The following TCEA3 variants were observed in gnomAD, a reference collection of about 807,000 sequenced individuals.
The protein encoded by TCEA3 is transcription elongation factor A3, also known as transcription elongation factor A protein 3.
TCEA3 carries 36 observed loss-of-function variants against 44.0 expected under a neutral mutation model. The observed-to-expected ratio is 0.82, with a 90% CI of 0.63 to 1.08. The LOEUF is 1.08. TCEA3 is among the 50% of genes least tolerant of loss of function. The probability of loss-of-function intolerance (pLI) is 0.00; values close to 1 mark genes in which losing one functional copy is unlikely to be tolerated. For missense variants in TCEA3, 392 were observed against 441.2 expected, an observed-to-expected ratio of 0.89 and a Z score of 1.00; for synonymous variants, 162 against 159.7, an observed-to-expected ratio of 1.01 and a Z score of -0.11.
intron 1 of TCEA3, 77 bp from the exon 2 acceptor site, chr1:23,419,216 A>G: frequency 2.7e-6 from 3 of 1,116,840 alleles, no homozygotes; most frequent in Non-Finnish European, 3.8e-6. Flanking sequence ...GTCTTGGTAC[A>G]GAGAGCAGGA....
intron 5 of TCEA3, among the ~76,000 whole-genome samples, chr1:23,400,372 G>GTTTTTTTTTTTTT (rs1639362989): frequency 1.7e-5 from 1 of 58,268 alleles, no homozygotes; most frequent in African/African-American, 6.6e-5. Context: ...GCCACACCAG[G>GTTTTTTTTTTTTT]CTTTTTTTTT....
At chr1:23,394,094 C>T (rs1639147149) in intron 7 of TCEA3, 61 bp from the exon 8 acceptor site, 3 of 1,583,268 alleles carry the variant, frequency 1.9e-6, no homozygotes, top group Non-Finnish European at 1.7e-6. Flanking sequence ...GCAGGCCTGG[C>T]CCTGACGCCT....
chr1:23,412,311 G>A (rs938756377), intron 4 of TCEA3, among the ~76,000 whole-genome samples: 4 of 150,920 alleles, frequency 2.7e-5, no homozygotes, highest in African/African-American at 7.3e-5. Flanking sequence ...GAGGTGAGAG[G>A]ATCACTTGAG....
chr1:23,384,475 C>T, intron 9 of TCEA3, 58 bp from the exon 10 acceptor site: 1 of 1,570,106 alleles, frequency 6.4e-7, no homozygotes, highest in Non-Finnish European at 8.7e-7. Flanking sequence ...CCTGCCATGG[C>T]TCCCACTGTC....
At chr1:23,417,581 G>A (rs961860102) in intron 3 of TCEA3, among the ~76,000 whole-genome samples, 191 bp from the exon 4 acceptor site, 1 of 152,302 alleles carries the variant, frequency 6.6e-6, no homozygotes, top group Admixed American at 6.5e-5. Context: ...AGTCTCACAT[G>A]GGGACATTAA....
Position 23,384,437 on chromosome 1 carries a change from C to G in TCEA3, c.967-20G>C. ...CTGCACCTGAGAGAGAGAAGAACCA[C>G]TCATGAAGTCACTCCCCTGTTCTAG... is the stretch of plus-strand genomic sequence containing the variant. On this transcript the variant is annotated intron_variant, in intron 9 of 10. Transcript: ENST00000450454. 3.1e-6 allele frequency: 5 copies of G among 1,610,690 alleles called. No individual in the cohort carries two copies. In the African/African-American group the frequency reaches 5.3e-5, roughly 17 times the overall value.
chr1:23,397,370 A>T (rs1639246242), intron 7 of TCEA3, among the ~76,000 whole-genome samples, 175 bp downstream of exon 7: 1 of 152,196 alleles, frequency 6.6e-6, no homozygotes, highest in Non-Finnish European at 1.5e-5. Context: ...TTTTGCTGGC[A>T]GGTGTAAAAT....
intron 1 of TCEA3, 73 bp downstream of exon 1, chr1:23,424,492 C>A: frequency 7.0e-7 from 1 of 1,419,482 alleles, no homozygotes; most frequent in Non-Finnish European, 9.8e-7. Context: ...GCCAGTACGT[C>A]CCCACCCCGG....
intron 8 of TCEA3, among the ~76,000 whole-genome samples, chr1:23,388,489 C>T (rs1638922532): frequency 6.6e-6 from 1 of 152,118 alleles, no homozygotes; most frequent in Non-Finnish European, 1.5e-5. Context: ...AACCACTATG[C>T]CTGGCTTAAA....
chr1:23,407,189 T>C (rs1639568397), intron 5 of TCEA3, among the ~76,000 whole-genome samples: 1 of 152,198 alleles, frequency 6.6e-6, no homozygotes, highest in Non-Finnish European at 1.5e-5. Context: ...CTCTCATTCC[T>C]CACATCCAAT....
At chr1:23,415,907 C>T (rs1410230819) in intron 4 of TCEA3, among the ~76,000 whole-genome samples, 1 of 150,388 alleles carries the variant, frequency 6.6e-6, no homozygotes, top group African/African-American at 2.4e-5. Context: ...AGTCAGAGAA[C>T]AGAAAGAAAA....
At chr1:23,417,682 G>GT (rs1639933743) in intron 3 of TCEA3, among the ~76,000 whole-genome samples, 1 of 152,220 alleles carries the variant, frequency 6.6e-6, no homozygotes, top group Non-Finnish European at 1.5e-5. Context: ...GCACAAACAC[G>GT]TAAGTGGCAC....
Position 23,424,678 on chromosome 1 carries a change from G to T in TCEA3, c.-45C>A, listed in dbSNP as rs750506621. The T allele has an allele frequency of 3.3e-6, 5 of 1,515,564 alleles. No homozygotes were observed. Among genetic ancestry groups the T allele is most frequent in the Non-Finnish European group, 4.5e-6 (5 of 1,107,176 alleles). 93.9% of individuals were successfully genotyped at this position (1,515,564 alleles called of 1,614,324 possible). A position where few individuals can be genotyped will look rare whatever the true frequency, so the allele number is the denominator to read the frequency against. On this transcript the variant is annotated 5_prime_UTR_variant, in exon 1 of 11. It adds an upstream start codon to the 5' untranslated region. Transcript: ENST00000450454. ...CGGGGCGAGGGGCACAGGGGCAGCAGTAGGGCCTCGGGGGCAGGAGGCGCG... is the reference window on the plus strand; with the variant it reads ...CGGGGCGAGGGGCACAGGGGCAGCATTAGGGCCTCGGGGGCAGGAGGCGCG...
chr1:23,417,186 T>G, intron 4 of TCEA3, 63 bp downstream of exon 4: 76 of 1,563,010 alleles, frequency 4.9e-5, no homozygotes, highest in Non-Finnish European at 6.0e-5. Flanking sequence ...TAATATACAC[T>G]GAGTTGCTGT....
intron 1 of TCEA3, among the ~76,000 whole-genome samples, chr1:23,423,268 AAGCAC>A (rs751030118): frequency 5.9e-5 from 9 of 152,196 alleles, no homozygotes; most frequent in Non-Finnish European, 1.2e-4. Flanking sequence ...AGTTCTTAGC[AAGCAC>A]AGGTCTGAGT....
intron 10 of TCEA3, among the ~76,000 whole-genome samples, chr1:23,383,136 C>T (rs1038865658): frequency 5.3e-5 from 8 of 151,958 alleles, no homozygotes; most frequent in South Asian, 2.1e-4. Flanking sequence ...AAAAATTAGC[C>T]GGGTGTGGTG....
At chr1:23,424,521 G>A in intron 1 of TCEA3, 44 bp downstream of exon 1, 1 of 1,561,400 alleles carries the variant, frequency 6.4e-7, no homozygotes, top group Non-Finnish European at 8.7e-7. Flanking sequence ...GCTTGCCCGC[G>A]CCTCCCGGGG....
intron 7 of TCEA3, among the ~76,000 whole-genome samples, chr1:23,396,363 T>C (rs1420353113): frequency 3.9e-5 from 6 of 152,034 alleles, no homozygotes; most frequent in Admixed American, 1.3e-4. Context: ...AAGCTCCATG[T>C]TTTCATTCAG....
chr1:23,409,267 G>A (rs1037777413), intron 4 of TCEA3, among the ~76,000 whole-genome samples: 16 of 152,242 alleles, frequency 1.1e-4, no homozygotes, highest in East Asian at 3.9e-4. Context: ...CTAAAGTCAC[G>A]CAAGAAAACC....
Sources: gnomAD v4.1 joint callset for allele counts (sites outside exome capture counted in the v4.1 genomes callset) on GRCh38, gnomAD v4.1.1 for gene constraint, MANE v1.5 for transcripts, NCBI Gene and HGNC (gene_info 2026-07-23, HGNC 2026-07-21) for gene names.